Variants in C5 observed in about 807,000 individuals in gnomAD.
C5 encodes the protein C3 and PZP-like alpha-2-macroglobulin domain-containing protein 4.
Under a neutral mutation model 218.8 loss-of-function variants are expected in C5, and 140 were observed. The observed-to-expected ratio is 0.64, with a 90% CI of 0.56 to 0.74. The LOEUF (loss-of-function observed/expected upper bound fraction) is 0.74. C5 is among the 30% of genes least tolerant of loss of function. The pLI is 0.00. For synonymous variants in C5, 614 were observed against 682.3 expected, an observed-to-expected ratio of 0.90 and a Z score of 1.56; for missense variants, 1,700 against 1,969.6, an observed-to-expected ratio of 0.86 and a Z score of 2.59.
intron 28 of C5, among the ~76,000 whole-genome samples, chr9:120,978,331 A>G (rs2046968032): frequency 6.6e-6 from 1 of 152,202 alleles, no homozygotes; most frequent in African/African-American, 2.4e-5. Flanking sequence ...TAACTACATT[A>G]TTTGCATGAC....
the C5 span, among the ~76,000 whole-genome samples, chr9:121,066,122 G>A: frequency 6.6e-6 from 1 of 151,808 alleles, no homozygotes; most frequent in African/African-American, 2.4e-5. Context: ...AGACCAGCCT[G>A]GCCAATATGG....
intron 39 of C5, among the ~76,000 whole-genome samples, chr9:120,956,279 G>A (rs1480257228): frequency 1.3e-5 from 2 of 151,932 alleles, no homozygotes; most frequent in East Asian, 3.9e-4. Flanking sequence ...GGGTGACAGA[G>A]TGAAACGTCA....
At chr9:121,013,820 T>C in intron 17 of C5, 53 bp downstream of exon 17, 2 of 1,471,884 alleles carry the variant, frequency 1.4e-6, no homozygotes, top group Non-Finnish European at 1.9e-6. Flanking sequence ...AGCATAAAAT[T>C]ACACAAAATT....
upstream of C5, among the ~76,000 whole-genome samples, chr9:121,051,397 T>A (rs1480847792): frequency 6.6e-6 from 1 of 152,162 alleles, no homozygotes; most frequent in Admixed American, 6.5e-5. Context: ...GTACTGGGAT[T>A]ACAGGCATGA....
the C5 span, among the ~76,000 whole-genome samples, chr9:121,073,511 C>CTTT: frequency 3.4e-4 from 25 of 73,012 alleles, no homozygotes; most frequent in African/African-American, 7.2e-4. Context: ...GAAAACTGGA[C>CTTT]TTTTTTTTTT....
intron 4 of C5, among the ~76,000 whole-genome samples, chr9:121,037,114 G>T (rs781180269): frequency 2.6e-5 from 4 of 151,828 alleles, no homozygotes; most frequent in Non-Finnish European, 5.9e-5. Context: ...TTTAACTCAT[G>T]ATTTAGCAAG....
At chr9:121,039,889 G>A (rs751560396) in intron 3 of C5, among the ~76,000 whole-genome samples, 4 of 151,970 alleles carry the variant, frequency 2.6e-5, no homozygotes, top group Non-Finnish European at 4.4e-5. Context: ...CGCCTGCCTC[G>A]GCCTCCCAAA....
intron 8 of C5, among the ~76,000 whole-genome samples, chr9:121,026,870 T>A (rs2047428474): frequency 6.6e-6 from 1 of 151,816 alleles, no homozygotes; most frequent in Admixed American, 6.6e-5. Context: ...TCAAGCAGAA[T>A]AAATGATATT....
At chr9:121,028,533 T>C (rs2047444839) in intron 7 of C5, among the ~76,000 whole-genome samples, 1 of 152,202 alleles carries the variant, frequency 6.6e-6, no homozygotes, top group Non-Finnish European at 1.5e-5. Context: ...GATGAGTTCA[T>C]GTCCTTTGCA....
intron 10 of C5, among the ~76,000 whole-genome samples, chr9:121,022,574 A>G (rs2131776234): frequency 6.7e-6 from 1 of 149,926 alleles, no homozygotes. Flanking sequence ...ACCCACAGTA[A>G]ATAATAAATA....
At chr9:120,972,593 C>T (rs758427347) in intron 30 of C5, among the ~76,000 whole-genome samples, 1 of 152,224 alleles carries the variant, frequency 6.6e-6, no homozygotes, top group Non-Finnish European at 1.5e-5. Context: ...GTTGCTGCTG[C>T]TCTTCTTCCC....
chr9:121,073,562 G>C, the C5 span, among the ~76,000 whole-genome samples: 33 of 139,488 alleles, frequency 2.4e-4, no homozygotes, highest in South Asian at 7.3e-3. Context: ...TGTCGTCCAG[G>C]CTGGAGTGCA....
chr9:121,009,592 A>G (rs2047244809), intron 17 of C5, among the ~76,000 whole-genome samples: 1 of 152,210 alleles, frequency 6.6e-6, no homozygotes, highest in Non-Finnish European at 1.5e-5. Context: ...GAGAGGGGAG[A>G]GCAAGATGGC....
At chr9:121,048,592 A>T (rs538163352) in intron 1 of C5, among the ~76,000 whole-genome samples, 58 of 152,218 alleles carry the variant, frequency 3.8e-4, no homozygotes, top group Non-Finnish European at 7.1e-4. Context: ...CTGCTGGTCT[A>T]TGTGATGGTA....
Position 121,013,979 on chromosome 9 carries a change from C to T in C5, c.2151G>A (p.Arg717=). ...NDETCEQRAA[R]ISLGPRCIKA... Reference sequence around the variant, plus strand: ...TGATGCATCTTGGCCCTAAACTAATCCGTGCAGCTCGCTGCTCACAGGTTT... The same window carrying T: ...TGATGCATCTTGGCCCTAAACTAATTCGTGCAGCTCGCTGCTCACAGGTTT... Residue 717 remains arginine (R), a synonymous_variant, in exon 17 of 41, where the codon CGG becomes CGA. Transcript: ENST00000223642. 1.2e-6 allele frequency: 2 copies of T among 1,614,190 alleles called. No individual in the cohort carries two copies. The highest frequency in any genetic ancestry group is 8.5e-7 in the Non-Finnish European group (1 of 1,180,028).
At chr9:121,048,541 T>C (rs1488843076) in intron 1 of C5, among the ~76,000 whole-genome samples, 1 of 152,242 alleles carries the variant, frequency 6.6e-6, no homozygotes, top group East Asian at 1.9e-4. Context: ...GGAAACATTG[T>C]CTTCCACAAA....
At chr9:121,064,794 C>T in the C5 span, among the ~76,000 whole-genome samples, 1 of 152,160 alleles carries the variant, frequency 6.6e-6, no homozygotes. Flanking sequence ...GGCACAGCAG[C>T]TCATGCCTGT....
chr9:121,016,861 A>T (rs935151469), intron 14 of C5, among the ~76,000 whole-genome samples: 3 of 152,170 alleles, frequency 2.0e-5, no homozygotes, highest in Non-Finnish European at 2.9e-5. Context: ...AGTATTTTTT[A>T]ATTTTACAGT....
At chr9:120,987,385 CTG>C (rs2047040628) in intron 25 of C5, among the ~76,000 whole-genome samples, 1 of 152,080 alleles carries the variant, frequency 6.6e-6, no homozygotes, top group Non-Finnish European at 1.5e-5. Flanking sequence ...TGGCTCATGC[CTG>C]TAATCCCAGC....
Sources: allele counts gnomAD v4.1 joint callset (sites outside exome capture counted in the v4.1 genomes callset), GRCh38; gene constraint gnomAD v4.1.1; transcripts MANE v1.5; gene names NCBI Gene and HGNC (gene_info 2026-07-23, HGNC 2026-07-21).